The following MICU1 variants were observed in gnomAD, a reference collection of about 807,000 sequenced individuals.
MICU1 encodes the protein mitochondrial calcium uptake 1.
A neutral mutation model predicts 56.8 loss-of-function variants in MICU1; 45 were observed. The observed-to-expected ratio is 0.79, with a 90% CI of 0.62 to 1.02. The LOEUF is 1.02. MICU1 is among the 50% of genes least tolerant of loss of function. The probability of loss-of-function intolerance (pLI) is 0.00; values close to 1 mark genes in which losing one functional copy is unlikely to be tolerated. For synonymous variants in MICU1, 186 were observed against 195.1 expected, an observed-to-expected ratio of 0.95 and a Z score of 0.39; for missense variants, 504 against 587.1, an observed-to-expected ratio of 0.86 and a Z score of 1.46.
At chr10:72,381,426 TTG>T (rs1370402503) in intron 10 of MICU1, among the ~76,000 whole-genome samples, 1 of 152,158 alleles carries the variant, frequency 6.6e-6, no homozygotes, top group African/African-American at 2.4e-5. Context: ...GTCCTGTCTT[TTG>T]TATCTCCTTC....
chr10:72,597,792 A>G (rs1394408449), intron 1 of MICU1, among the ~76,000 whole-genome samples: 3 of 152,156 alleles, frequency 2.0e-5, no homozygotes, highest in Non-Finnish European at 2.9e-5. Flanking sequence ...TTGCAGCTGA[A>G]GGAGGCTGGA....
intron 1 of MICU1, among the ~76,000 whole-genome samples, chr10:72,613,130 A>G (rs1348436865): frequency 6.6e-6 from 1 of 152,112 alleles, no homozygotes; most frequent in Non-Finnish European, 1.5e-5. Context: ...CCATATGTGC[A>G]TTACTTAAAT....
At chr10:72,498,247 C>T (rs1866911644) in intron 6 of MICU1, among the ~76,000 whole-genome samples, 1 of 152,192 alleles carries the variant, frequency 6.6e-6, no homozygotes, top group South Asian at 2.1e-4. Flanking sequence ...TTTTACTTTT[C>T]CTGCTCCATC....
chr10:72,509,531 C>T (rs1461847963), intron 5 of MICU1: 5 of 666,140 alleles, frequency 7.5e-6, no homozygotes, highest in South Asian at 4.4e-5. Flanking sequence ...TCAAAATAGC[C>T]TCTACTAGAT....
chr10:72,573,708 C>T (rs946982414), intron 1 of MICU1, among the ~76,000 whole-genome samples: 1 of 151,816 alleles, frequency 6.6e-6, no homozygotes, highest in African/African-American at 2.4e-5. Context: ...TTTAATGCTC[C>T]CCTAGGGATT....
At chr10:72,512,501 G>C (rs1867504291) in intron 5 of MICU1, among the ~76,000 whole-genome samples, 1 of 152,112 alleles carries the variant, frequency 6.6e-6, no homozygotes, top group South Asian at 2.1e-4. Context: ...TCCAGATTAT[G>C]ATCCAAACCC....
chr10:72,574,411 C>T (rs916945762), intron 1 of MICU1, among the ~76,000 whole-genome samples: 5 of 151,942 alleles, frequency 3.3e-5, no homozygotes, highest in South Asian at 2.1e-4. Context: ...CCCAGCTACT[C>T]GGGAGGCTGA....
intron 6 of MICU1, among the ~76,000 whole-genome samples, chr10:72,503,560 C>G (rs905351985): frequency 6.6e-6 from 1 of 151,928 alleles, no homozygotes; most frequent in Non-Finnish European, 1.5e-5. Flanking sequence ...ATCAACAGTG[C>G]TAAGAGTGAG....
chr10:72,543,983 A>G (rs1822679494), intron 4 of MICU1, among the ~76,000 whole-genome samples: 1 of 152,244 alleles, frequency 6.6e-6, no homozygotes, highest in Non-Finnish European at 1.5e-5. Context: ...AAAGGCAGAA[A>G]TGAAATCCAC....
rs901600246 is a variant in MICU1 at position 72,419,906 on chromosome 10, C to T, written c.1071+3328G>A. Among the ~76,000 whole-genome samples the T allele has an allele frequency of 4.6e-5, 7 of 152,112 alleles. No individual in the cohort carries two copies. In the East Asian group the frequency reaches 1.3e-3, roughly 29 times the overall value. Reference sequence around the variant, plus strand: ...TGTAGCTCCCATAATGCACATGTGTCGTGGAAGGGACCTGGTGAAAGGTAA... The same window carrying T: ...TGTAGCTCCCATAATGCACATGTGTTGTGGAAGGGACCTGGTGAAAGGTAA... On this transcript the variant is annotated intron_variant, in intron 9 of 11. Coordinates refer to ENST00000361114, the MANE Select transcript of MICU1 (RefSeq NM_001195518.2).
intron 1 of MICU1, among the ~76,000 whole-genome samples, chr10:72,619,468 A>G (rs903574229): frequency 6.6e-6 from 1 of 152,092 alleles, no homozygotes; most frequent in African/African-American, 2.4e-5. Flanking sequence ...AATAAATAAA[A>G]CAGATAAAAT....
At chr10:72,422,424 T>C (rs111488097) in intron 9 of MICU1, among the ~76,000 whole-genome samples, 8 of 152,372 alleles carry the variant, frequency 5.3e-5, no homozygotes, top group African/African-American at 1.7e-4. Context: ...AGTAGGCTAA[T>C]ACACTGCCTT....
chr10:72,595,579 T>C (rs1170999654), intron 1 of MICU1, among the ~76,000 whole-genome samples: 20 of 150,434 alleles, frequency 1.3e-4, no homozygotes, highest in Admixed American at 1.3e-3. Context: ...ATGGCTAACA[T>C]AGCTATTTCA....
chr10:72,571,074 T>C (rs761354976), intron 1 of MICU1, among the ~76,000 whole-genome samples: 8 of 152,096 alleles, frequency 5.3e-5, no homozygotes, highest in Admixed American at 1.3e-4. Flanking sequence ...AATTCAAAAG[T>C]TGGAACAGGA....
intron 6 of MICU1, among the ~76,000 whole-genome samples, chr10:72,506,439 T>C (rs928470482): frequency 3.9e-5 from 6 of 152,232 alleles, no homozygotes; most frequent in Non-Finnish European, 8.8e-5. Context: ...TGCCATAGTC[T>C]TTCTGCTACA....
chr10:72,567,625 C>T lies in MICU1; in HGVS notation c.-1-831G>A, dbSNP rs899602510. Among the ~76,000 whole-genome samples, 6 of 152,160 alleles carry T rather than the reference C, an allele frequency of 3.9e-5. No individual in the cohort carries two copies. In the East Asian group the frequency reaches 7.7e-4, roughly 20 times the overall value. ...TCATCTACTGGACAACTCATGCCAG[C>T]GGAATTTGTTGGGAAGCTGACCTTC... On this transcript the variant is annotated intron_variant, in intron 1 of 11. Transcript: ENST00000361114.
intron 10 of MICU1, among the ~76,000 whole-genome samples, chr10:72,382,999 G>T (rs1018360502): frequency 1.1e-4 from 16 of 152,152 alleles, no homozygotes; most frequent in Non-Finnish European, 1.8e-4. Context: ...CAGGTGCAGT[G>T]GCTCATGCTT....
intron 10 of MICU1, among the ~76,000 whole-genome samples, chr10:72,391,601 A>G: frequency 6.6e-6 from 1 of 152,230 alleles, no homozygotes; most frequent in East Asian, 1.9e-4. Context: ...AATTTAAAGT[A>G]CAGTTGGCCC....
intron 9 of MICU1, among the ~76,000 whole-genome samples, chr10:72,412,206 C>T (rs1863838287): frequency 6.6e-6 from 1 of 152,120 alleles, no homozygotes. Context: ...ATAACATGAG[C>T]TTTGTGGCTG....
Sources: gnomAD v4.1 joint callset for allele counts (sites outside exome capture counted in the v4.1 genomes callset) on GRCh38, gnomAD v4.1.1 for gene constraint, MANE v1.5 for transcripts, NCBI Gene and HGNC (gene_info 2026-07-23, HGNC 2026-07-21) for gene names.